PCDH11X: variants seen among roughly 807,000 people sequenced by gnomAD.
The protein encoded by PCDH11X is protocadherin-11 X-linked.
Under a neutral mutation model 53.3 loss-of-function variants are expected in PCDH11X, and 18 were observed. That is an observed-to-expected ratio of 0.34 (90% CI 0.23 to 0.50). The LOEUF is 0.50. Ranked by LOEUF, PCDH11X falls within the 20% of genes least tolerant of loss-of-function variation. The pLI is 0.98. For synonymous variants in PCDH11X, 279 were observed against 393.3 expected, an observed-to-expected ratio of 0.71 and a Z score of 3.44; for missense variants, 570 against 1,032.4, an observed-to-expected ratio of 0.55 and a Z score of 6.14.
intron 10 of PCDH11X, among the ~76,000 whole-genome samples, chrX:92,534,346 T>C (rs1211437656): frequency 9.1e-6 from 1 of 109,635 alleles, no homozygotes; most frequent in Admixed American, 9.8e-5. Flanking sequence ...AGAAGAGAAG[T>C]TTAGAGAAAA....
At chrX:92,383,728 T>C (rs1471487293) in intron 8 of PCDH11X, among the ~76,000 whole-genome samples, 4 of 112,036 alleles carry the variant, frequency 3.6e-5, no homozygotes, top group Non-Finnish European at 7.5e-5. Flanking sequence ...TCTATCATTG[T>C]TGGACATTTG....
At chrX:92,560,898 T>G (rs1361447059) in intron 10 of PCDH11X, among the ~76,000 whole-genome samples, 1 of 108,984 alleles carries the variant, frequency 9.2e-6, no homozygotes, top group African/African-American at 3.4e-5. Context: ...GACCCAGTGC[T>G]GTGCTGGCTT....
chrX:92,442,789 A>C (rs2072543726), intron 9 of PCDH11X, among the ~76,000 whole-genome samples: 1 of 110,375 alleles, frequency 9.1e-6, no homozygotes, highest in African/African-American at 3.3e-5. Context: ...TGTATACATA[A>C]CACACTTCCT....
intron 8 of PCDH11X, among the ~76,000 whole-genome samples, chrX:92,312,967 T>C (rs2068982862): frequency 9.0e-6 from 1 of 111,287 alleles, no homozygotes. Flanking sequence ...TTAATAATAA[T>C]TTAATTGCTT....
intron 6 of PCDH11X, among the ~76,000 whole-genome samples, chrX:92,181,995 A>G (rs749383024): frequency 8.9e-6 from 1 of 111,861 alleles, no homozygotes. Context: ...TCCAGACCCC[A>G]TAATGATAGA....
chrX:91,837,218 A>G (rs1056050307), intron 5 of PCDH11X, among the ~76,000 whole-genome samples: 1 of 110,388 alleles, frequency 9.1e-6, no homozygotes, highest in African/African-American at 3.3e-5. Context: ...TCATTCAGGA[A>G]TGGAAGGCTA....
chrX:92,520,317 A>T, intron 10 of PCDH11X, among the ~76,000 whole-genome samples: 1 of 106,926 alleles, frequency 9.4e-6, no homozygotes, highest in Non-Finnish European at 1.9e-5. Context: ...ATGTCTTTTA[A>T]AATGTATATA....
intron 7 of PCDH11X, among the ~76,000 whole-genome samples, chrX:92,239,188 GA>G (rs763531717): frequency 2.7e-5 from 3 of 111,641 alleles, no homozygotes; most frequent in Non-Finnish European, 3.8e-5. Context: ...GCAAGAAGAT[GA>G]AGTCTGTATG....
At chrX:92,130,464 A>G (rs2064951640) in intron 6 of PCDH11X, among the ~76,000 whole-genome samples, 1 of 110,319 alleles carries the variant, frequency 9.1e-6, no homozygotes. Context: ...AGCCTGACCA[A>G]CATGGAGAAA....
At chrX:91,886,151 A>C (rs1940183915) in intron 6 of PCDH11X, among the ~76,000 whole-genome samples, 1 of 111,798 alleles carries the variant, frequency 8.9e-6, no homozygotes, top group African/African-American at 3.2e-5. Flanking sequence ...TCTTTAATTT[A>C]ATTGATATTA....
At chrX:91,913,633 T>C (rs976783660) in intron 6 of PCDH11X, among the ~76,000 whole-genome samples, 5 of 111,613 alleles carry the variant, frequency 4.5e-5, no homozygotes, top group African/African-American at 1.6e-4. Context: ...CCCTGATAGC[T>C]GAACACAAAA....
At chrX:91,894,447 T>A (rs1394713864) in intron 6 of PCDH11X, among the ~76,000 whole-genome samples, 1 of 111,651 alleles carries the variant, frequency 9.0e-6, no homozygotes, top group Admixed American at 9.6e-5. Context: ...ATGTTGCTTT[T>A]ATGTTTGTGT....
intron 7 of PCDH11X, among the ~76,000 whole-genome samples, chrX:92,258,410 C>T (rs756600660): frequency 9.4e-6 from 1 of 106,364 alleles, no homozygotes; most frequent in South Asian, 4.5e-4. Flanking sequence ...CTCCATCGCC[C>T]AGGCTGGAGT....
At chrX:92,300,152 C>T (rs2068690881) in intron 8 of PCDH11X, among the ~76,000 whole-genome samples, 1 of 109,116 alleles carries the variant, frequency 9.2e-6, no homozygotes, top group Non-Finnish European at 1.9e-5. Context: ...ATTTTTATTG[C>T]ACTGTGGTCC....
At chrX:91,964,669 A>G (rs986815684) in intron 6 of PCDH11X, among the ~76,000 whole-genome samples, 19 of 112,303 alleles carry the variant, frequency 1.7e-4, no homozygotes, top group Non-Finnish European at 2.6e-4. Context: ...TGCTCCTGCT[A>G]AAGTGTGGGG....
At chrX:91,842,990 A>G (rs187078675) in intron 5 of PCDH11X, among the ~76,000 whole-genome samples, 4 of 106,782 alleles carry the variant, frequency 3.7e-5, no homozygotes, top group Non-Finnish European at 7.7e-5. Context: ...AATACAATGA[A>G]GTGAAATTCT....
intron 10 of PCDH11X, among the ~76,000 whole-genome samples, chrX:92,573,487 C>A (rs1414503486): frequency 9.0e-6 from 1 of 110,819 alleles, no homozygotes; most frequent in African/African-American, 3.3e-5. Flanking sequence ...CCATGTGCAG[C>A]AATTATAGTA....
intron 7 of PCDH11X, among the ~76,000 whole-genome samples, chrX:92,225,908 G>T (rs2066962030): frequency 9.0e-6 from 1 of 111,659 alleles, no homozygotes; most frequent in African/African-American, 3.3e-5. Context: ...ATCAATTTTT[G>T]ATTCAGTTGC....
At chrX:92,278,256 G>A (rs181023226) in intron 8 of PCDH11X, among the ~76,000 whole-genome samples, 3 of 111,074 alleles carry the variant, frequency 2.7e-5, no homozygotes, top group East Asian at 5.7e-4. Flanking sequence ...TGGGCTGGTC[G>A]ATCTGAGGAC....
Sources: gnomAD v4.1 joint callset for allele counts (sites outside exome capture counted in the v4.1 genomes callset) on GRCh38, gnomAD v4.1.1 for gene constraint, MANE v1.5 for transcripts, NCBI Gene and HGNC (gene_info 2026-07-23, HGNC 2026-07-21) for gene names.